Variants in THSD7A observed in about 807,000 individuals in gnomAD.
THSD7A encodes thrombospondin type 1 domain containing 7A, also known as thrombospondin type-1 domain-containing protein 7A.
A neutral mutation model predicts 231.3 loss-of-function variants in THSD7A; 96 were observed. That is an observed-to-expected ratio of 0.41 (90% CI 0.35 to 0.49). THSD7A has a LOEUF of 0.49. Ranked by LOEUF, THSD7A falls within the 20% of genes least tolerant of loss-of-function variation. The pLI, the probability that THSD7A is intolerant of heterozygous loss-of-function variation, is 0.05. For synonymous variants in THSD7A, 940 were observed against 743.3 expected, an observed-to-expected ratio of 1.26 and a Z score of -4.30; for missense variants, 2,290 against 2,070.2, an observed-to-expected ratio of 1.11 and a Z score of -2.06.
At chr7:11,679,307 C>T (rs1055045788) in intron 1 of THSD7A, among the ~76,000 whole-genome samples, 1 of 152,184 alleles carries the variant, frequency 6.6e-6, no homozygotes, top group Non-Finnish European at 1.5e-5. Context: ...GATGCCCTCA[C>T]TCACCACTCC....
At position 11,543,021 on chromosome 7, in the gene THSD7A, G is replaced by C. The variant is rs368997036; in HGVS notation, c.1550C>G (p.Pro517Arg). 1 of 1,613,754 alleles carries C rather than the reference G, an allele frequency of 6.2e-7. No homozygotes were observed. The highest frequency in any genetic ancestry group is 1.3e-5 in the African/African-American group (1 of 74,914). Residue 517 changes from proline to arginine, a missense_variant, in exon 5 of 28, where the codon CCT (proline) becomes CGT (arginine). Pro to Arg is a moderately radical substitution (Grantham distance 103, BLOSUM62 -2). Coordinates refer to ENST00000423059, the MANE Select transcript of THSD7A (RefSeq NM_015204.3). ...IPCPTECEVS[P>R]WSAWGPCTYE... ...AGTACAAGGTCCCCAAGCTGACCAA[G>C]GTGAAACTTCACATTCAGTTGGACA...
intron 26 of THSD7A, chr7:11,378,122 A>G (rs754925706): frequency 6.6e-6 from 1 of 152,210 alleles, no homozygotes; most frequent in South Asian, 2.1e-4. Flanking sequence ...TTATTCTCCA[A>G]TAAGGGAAAG....
intron 13 of THSD7A, among the ~76,000 whole-genome samples, chr7:11,434,309 T>A (rs1336027954): frequency 6.6e-6 from 1 of 152,116 alleles, no homozygotes; most frequent in Admixed American, 6.6e-5. Context: ...AATTTGACGC[T>A]TGGAAAAATT....
chr7:11,417,403 A>G, intron 17 of THSD7A, 47 bp downstream of exon 17: 1 of 1,476,412 alleles, frequency 6.8e-7, no homozygotes, highest in Non-Finnish European at 9.0e-7. Flanking sequence ...CTTCAGTGGC[A>G]AATAATTAAA....
intron 1 of THSD7A, among the ~76,000 whole-genome samples, chr7:11,723,010 A>G (rs1781412340): frequency 6.6e-6 from 1 of 151,998 alleles, no homozygotes; most frequent in Admixed American, 6.6e-5. Flanking sequence ...TCATGCTGCT[A>G]TAAAGACACA....
At chr7:11,717,895 G>A (rs1781198034) in intron 1 of THSD7A, among the ~76,000 whole-genome samples, 1 of 151,484 alleles carries the variant, frequency 6.6e-6, no homozygotes, top group Admixed American at 6.6e-5. Context: ...TTTTTGTAAA[G>A]GGCTTTCAGA....
intron 2 of THSD7A, among the ~76,000 whole-genome samples, chr7:11,630,839 AT>A (rs1781623613): frequency 6.6e-6 from 1 of 152,200 alleles, no homozygotes; most frequent in South Asian, 2.1e-4. Context: ...CAATACGCAG[AT>A]TTGGTTCTTC....
chr7:11,478,443 A>G (rs1786284419), intron 7 of THSD7A, among the ~76,000 whole-genome samples: 1 of 152,094 alleles, frequency 6.6e-6, no homozygotes, highest in Non-Finnish European at 1.5e-5. Context: ...CTCCTCACCC[A>G]GTTGGGCTCT....
chr7:11,434,929 G>C (rs1441647891), intron 13 of THSD7A, among the ~76,000 whole-genome samples: 2 of 151,890 alleles, frequency 1.3e-5, no homozygotes, highest in African/African-American at 2.4e-5. Flanking sequence ...TGGATGAAAA[G>C]TTATAAATCA....
intron 1 of THSD7A, among the ~76,000 whole-genome samples, chr7:11,661,893 G>A (rs1320140071): frequency 6.6e-6 from 1 of 151,184 alleles, no homozygotes; most frequent in Non-Finnish European, 1.5e-5. Flanking sequence ...CAGAGGCAGA[G>A]TTTTAAGGTC....
intron 6 of THSD7A, among the ~76,000 whole-genome samples, chr7:11,531,870 T>C (rs1429691452): frequency 6.6e-6 from 1 of 152,104 alleles, no homozygotes; most frequent in African/African-American, 2.4e-5. Flanking sequence ...ATATAGCATA[T>C]AGGAAACAGA....
intron 1 of THSD7A, among the ~76,000 whole-genome samples, chr7:11,733,018 G>A (rs1465593896): frequency 6.6e-6 from 1 of 151,758 alleles, no homozygotes; most frequent in Non-Finnish European, 1.5e-5. Context: ...ACCAGGAAAT[G>A]TAACTAACAT....
In THSD7A at chr7:11,637,800, CCTT is replaced by C. The variant is rs1242830801; in HGVS notation, c.191-842_191-840del. 6.6e-6 allele frequency among the ~76,000 whole-genome samples: 1 copy of C among 151,954 alleles called. No individual in the cohort carries two copies. The highest frequency in any genetic ancestry group is 1.5e-5 in the Non-Finnish European group (1 of 67,996). On this transcript the variant is annotated intron_variant, in intron 1 of 27. Transcript: ENST00000423059. The surrounding 1 kb of genome is among the most constrained non-coding windows in gnomAD (Gnocchi z 4.2). ...AAATATGGGTTTTTTTCTGTGAAAT[CCTT>C]CTTAGAATAAACTTTATATTCACAT...
chr7:11,562,358 C>A (rs959668426), intron 4 of THSD7A, among the ~76,000 whole-genome samples: 3 of 152,118 alleles, frequency 2.0e-5, no homozygotes, highest in African/African-American at 4.8e-5. Context: ...TATACATTTT[C>A]TGTATTCATT....
intron 4 of THSD7A, among the ~76,000 whole-genome samples, chr7:11,547,306 A>G (rs542459301): frequency 6.6e-6 from 1 of 152,238 alleles, no homozygotes; most frequent in Non-Finnish European, 1.5e-5. Context: ...TATCAATATT[A>G]ACCTTGAATA....
intron 1 of THSD7A, among the ~76,000 whole-genome samples, chr7:11,665,968 G>C (rs184425096): frequency 8.5e-5 from 13 of 152,226 alleles, no homozygotes; most frequent in African/African-American, 3.1e-4. Flanking sequence ...AGGGGCTTTA[G>C]TCTCTTTAAG....
chr7:11,590,754 A>T lies in THSD7A; in HGVS notation c.1272-113T>A. On this transcript the variant is annotated intron_variant, in intron 3 of 27. Transcript: ENST00000423059. This position sits in a 1 kb window ranked among gnomAD's most constrained non-coding sequence, Gnocchi z 4.4. ...TAGTCTCAAAATCATTTTCCTAGAGAATCCATCGTAGACTACATCTATGGT... is the reference window on the plus strand; with the variant it reads ...TAGTCTCAAAATCATTTTCCTAGAGTATCCATCGTAGACTACATCTATGGT... 8.1e-7 allele frequency: 1 copy of T among 1,240,446 alleles called. No homozygotes were observed. Among genetic ancestry groups the T allele is most frequent in the South Asian group, 1.6e-5 (1 of 62,562 alleles). The allele number at this position is 1,240,446 out of a possible 1,614,324, so 76.8% of individuals were successfully genotyped here. A position where few individuals can be genotyped will look rare whatever the true frequency, so the allele number is the denominator to read the frequency against.
chr7:11,576,521 C>A (rs181536685), intron 4 of THSD7A, among the ~76,000 whole-genome samples: 81 of 152,268 alleles, frequency 5.3e-4, no homozygotes, highest in African/African-American at 1.7e-3. Context: ...GCTAGCCGGT[C>A]TGGATTTGAT....
chr7:11,707,955 C>A (rs1295682529), intron 1 of THSD7A, among the ~76,000 whole-genome samples: 1 of 150,690 alleles, frequency 6.6e-6, no homozygotes, highest in Non-Finnish European at 1.5e-5. Context: ...ATTTCTTAAA[C>A]CTTACAAAAT....
Sources: allele counts gnomAD v4.1 joint callset (sites outside exome capture counted in the v4.1 genomes callset), GRCh38; gene constraint gnomAD v4.1.1; non-coding constraint Gnocchi (gnomAD v3.1); transcripts MANE v1.5; gene names NCBI Gene and HGNC (gene_info 2026-07-23, HGNC 2026-07-21).